The following SMAD3 variants were observed in gnomAD, a reference collection of about 807,000 sequenced individuals.
SMAD3 encodes the protein SMAD family member 3, also known as MAD homolog 3.
In SMAD3, 12 loss-of-function variants were observed where a neutral mutation model predicts 51.8. The observed-to-expected ratio is 0.23, with a 90% CI of 0.15 to 0.38. The LOEUF (loss-of-function observed/expected upper bound fraction) is 0.38, where lower values mean the gene tolerates loss of function less well. SMAD3 is among the 10% of genes least tolerant of loss of function. SMAD3 has a pLI of 1.00. For missense variants in SMAD3, 294 were observed against 565.6 expected (o/e 0.52, Z 4.87); for synonymous variants, 238 against 227.7 (o/e 1.05, Z -0.41).
chr15:67,104,222 G>A (rs562051859), intron 1 of SMAD3, among the ~76,000 whole-genome samples: 19 of 152,052 alleles, frequency 1.2e-4, no homozygotes, highest in Middle Eastern at 3.4e-3. Flanking sequence ...TAATCCCTGC[G>A]TCTCGCACAA....
At chr15:67,179,268 C>T (rs1012517508) in intron 5 of SMAD3, among the ~76,000 whole-genome samples, 1 of 152,110 alleles carries the variant, frequency 6.6e-6, no homozygotes, top group African/African-American at 2.4e-5. Flanking sequence ...AACTGGAGGC[C>T]GTTTTGCCCC....
intron 1 of SMAD3, among the ~76,000 whole-genome samples, chr15:67,122,098 G>T (rs1193280406): frequency 1.3e-5 from 2 of 152,186 alleles, no homozygotes; most frequent in Non-Finnish European, 2.9e-5. Context: ...AAATTCTATT[G>T]GGTAGCACTG....
chr15:67,195,094 ATTG>A lies in SMAD3; in HGVS notation c.*4561_*4563del, dbSNP rs1264943046. The A allele has an allele frequency of 4.3e-5, 10 of 233,180 alleles. No individual in the cohort carries two copies. Among genetic ancestry groups the A allele is most frequent in the Non-Finnish European group, 5.9e-5 (7 of 117,752 alleles). The allele number at this position is 233,180 out of a possible 1,614,324, so 14.4% of individuals were successfully genotyped here. On this transcript the variant is annotated 3_prime_UTR_variant, in exon 9 of 9. Coordinates refer to ENST00000327367, the MANE Select transcript of SMAD3 (RefSeq NM_005902.4). ...GCACCTGTTTAAGCATTGTACCCCT[ATTG>A]TTAAAGATTTGTGTCCTCTCATTCC...
chr15:67,162,972 GA>G (rs1962470878), intron 1 of SMAD3, among the ~76,000 whole-genome samples: 1 of 151,622 alleles, frequency 6.6e-6, no homozygotes, highest in Admixed American at 6.6e-5. Context: ...TGATGATGAT[GA>G]TGATGATGAT....
chr15:67,135,689 C>T (rs999272967), intron 1 of SMAD3, among the ~76,000 whole-genome samples: 4 of 152,130 alleles, frequency 2.6e-5, no homozygotes, highest in African/African-American at 9.7e-5. Context: ...TGATTTTCTC[C>T]TCTGCCTCTG....
intron 7 of SMAD3, among the ~76,000 whole-genome samples, chr15:67,185,847 C>T (rs1963210942): frequency 6.6e-6 from 1 of 152,382 alleles, no homozygotes; most frequent in Admixed American, 6.5e-5. Context: ...CTGTGACAGA[C>T]TAGTGGAGCA....
In SMAD3 at chr15:67,126,081, A is replaced by G. The variant is rs1213553306; in HGVS notation, c.207-38814A>G. The G allele has an allele frequency of 1.4e-5, 8 of 562,712 alleles. No individual in the cohort carries two copies. The Admixed American group carries it at 3.8e-4, about 27-fold the overall frequency. 34.9% of individuals were successfully genotyped at this position (562,712 alleles called of 1,614,324 possible). ...CTCGACACACACTCCCTGAGTCCTT[A>G]GGGAATTGCGTAGTTTTTTTCTTTT... On this transcript the variant is annotated intron_variant, in intron 1 of 8. Coordinates refer to ENST00000327367, the MANE Select transcript of SMAD3 (RefSeq NM_005902.4).
intron 6 of SMAD3, 46 bp downstream of exon 6, chr15:67,181,499 C>T (rs1448456749): frequency 7.0e-7 from 1 of 1,421,850 alleles, no homozygotes; most frequent in East Asian, 2.5e-5. Flanking sequence ...GCCCCTGCCA[C>T]TCTATCCCAC....
chr15:67,166,785 CA>C lies in SMAD3; in HGVS notation c.540del (p.Pro182LeufsTer4). ...CCTTCCTTCTGATTCCCAGAGACCC[CA>C]CCCCCTGGCTACCTGAGTGAAGATG... The part of the protein sequence containing the change: ...IEPQSNIPET[P>X]PPGYLSEDGE... On this transcript the variant is annotated frameshift_variant, in exon 4 of 9. Transcript: ENST00000327367. LOFTEE classifies it high-confidence loss of function. 1.3e-6 allele frequency: 2 copies of C among 1,591,536 alleles called. No homozygotes were observed. Among genetic ancestry groups the C allele is most frequent in the Non-Finnish European group, 1.7e-6 (2 of 1,168,294 alleles).
chr15:67,076,344 G>C (rs936144737), intron 1 of SMAD3, among the ~76,000 whole-genome samples: 1 of 152,182 alleles, frequency 6.6e-6, no homozygotes, highest in African/African-American at 2.4e-5. Flanking sequence ...CTCCTGGGGC[G>C]GGGGATGGGT....
At chr15:67,122,437 C>T (rs1289453949) in intron 1 of SMAD3, among the ~76,000 whole-genome samples, 1 of 152,172 alleles carries the variant, frequency 6.6e-6, no homozygotes, top group African/African-American at 2.4e-5. Context: ...GTACGGTAAT[C>T]CTTTGGCCCA....
chr15:67,164,488 C>T (rs1962520464), intron 1 of SMAD3, among the ~76,000 whole-genome samples: 2 of 152,142 alleles, frequency 1.3e-5, no homozygotes, highest in African/African-American at 4.8e-5. Flanking sequence ...CTAAAGAACT[C>T]TCATTGTCTT....
chr15:67,187,704 G>T lies in SMAD3; in HGVS notation c.1154+195G>T, dbSNP rs146344428. ...AGCAGATGATGAGGAATTGCAGAAC[G>T]ATGTTTGCTGGCACCGAACAGCTGT... On this transcript the variant is annotated intron_variant, in intron 8 of 8. Transcript: ENST00000327367. Among the ~76,000 whole-genome samples the T allele has an allele frequency of 1.1e-4, 17 of 152,338 alleles. No homozygotes were observed. In the East Asian group the frequency reaches 2.9e-3, roughly 26 times the overall value.
intron 1 of SMAD3, among the ~76,000 whole-genome samples, chr15:67,085,362 C>A (rs2140208682): frequency 1.3e-5 from 2 of 152,294 alleles, no homozygotes; most frequent in South Asian, 4.1e-4. Flanking sequence ...CTGGCTTCCT[C>A]TTCTATAAAC....
At chr15:67,135,070 G>A (rs1961624356) in intron 1 of SMAD3, among the ~76,000 whole-genome samples, 1 of 152,142 alleles carries the variant, frequency 6.6e-6, no homozygotes, top group Non-Finnish European at 1.5e-5. Context: ...CTGGGAGCTG[G>A]GCAGGTGCTA....
At position 67,187,465 on chromosome 15, in the gene SMAD3, C is replaced by T. The variant is rs1353016768; in HGVS notation, c.1110C>T (p.Cys370=). The T allele has an allele frequency of 6.2e-7, 1 of 1,614,198 alleles. No homozygotes were observed. Among genetic ancestry groups the T allele is most frequent in the Non-Finnish European group, 8.5e-7 (1 of 1,180,034 alleles). Residue 370 remains cysteine, a synonymous_variant, in exon 8 of 9, where the codon TGC becomes TGT. Transcript: ENST00000327367. The stretch of plus-strand genomic sequence containing the variant: ...CTGTCTACCAGTTGACCCGAATGTG[C>T]ACCATCCGCATGAGCTTCGTCAAAG... The part of the protein sequence containing the change: ...FEAVYQLTRM[C]TIRMSFVKGW...
intron 1 of SMAD3, among the ~76,000 whole-genome samples, chr15:67,137,617 T>C (rs1380532656): frequency 6.6e-6 from 1 of 152,224 alleles, no homozygotes; most frequent in Non-Finnish European, 1.5e-5. Flanking sequence ...TTCTATGAGG[T>C]TTGATTTTTT....
intron 7 of SMAD3, among the ~76,000 whole-genome samples, chr15:67,186,247 G>T (rs1202562061): frequency 1.3e-5 from 2 of 152,230 alleles, no homozygotes; most frequent in African/African-American, 2.4e-5. Flanking sequence ...GGGGGTCAGG[G>T]CCCAGGTTCA....
At chr15:67,150,475 G>GA (rs1003086681) in intron 1 of SMAD3, among the ~76,000 whole-genome samples, 10 of 143,806 alleles carry the variant, frequency 7.0e-5, no homozygotes, top group Non-Finnish European at 9.6e-5. Flanking sequence ...TCTTTTCCAG[G>GA]AAAAAAAAGA....
Sources: allele counts gnomAD v4.1 joint callset (sites outside exome capture counted in the v4.1 genomes callset), GRCh38; gene constraint gnomAD v4.1.1; transcripts MANE v1.5; gene names NCBI Gene and HGNC (gene_info 2026-07-23, HGNC 2026-07-21).